Variants in OTOF observed in about 807,000 individuals in gnomAD.
The protein encoded by OTOF is fer-1-like family member 2.
Under a neutral mutation model 236.8 loss-of-function variants are expected in OTOF, and 218 were observed. The observed-to-expected ratio is 0.92, with a 90% CI of 0.82 to 1.03. OTOF has a LOEUF of 1.03. OTOF is among the 50% of genes least tolerant of loss of function. The pLI is 0.00. For synonymous variants in OTOF, 1,041 were observed against 1,072.5 expected (o/e 0.97, Z 0.57); for missense variants, 2,590 against 2,694.4 (o/e 0.96, Z 0.86).
Position 26,476,976 on chromosome 2 carries a change from C to T in OTOF, c.2591G>A (p.Arg864His), listed in dbSNP as rs774822695. ...MSNNKRVAYARVPSKDLLFSI... is the reference protein window; with the variant it reads ...MSNNKRVAYAHVPSKDLLFSI... ...GAAGAGCAGGTCCTTGGAGGGCACA[C>T]GGGCATAGGCGACACGCTTGTTGTT... The change falls in exon 22 of 47, where the codon CGT becomes CAT. Residue 864 changes from arginine (R) to histidine (H), a missense_variant. By Grantham distance (29) the Arg-to-His change is conservative. Around this residue, in one of 2 missense-constraint regions of OTOF, gnomAD observed 1,379 missense variants for 1,341.6 expected, o/e 1.03. Coordinates refer to ENST00000272371, the MANE Select transcript of OTOF (RefSeq NM_194248.3). The T allele has an allele frequency of 1.7e-5, 28 of 1,610,816 alleles. No individual in the cohort carries two copies. Among genetic ancestry groups the T allele is most frequent in the Non-Finnish European group, 2.2e-5 (26 of 1,178,982 alleles).
intron 24 of OTOF, among the ~76,000 whole-genome samples, 169 bp downstream of exon 24, chr2:26,475,745 C>T (rs552195423): frequency 5.3e-5 from 8 of 152,272 alleles, no homozygotes; most frequent in Admixed American, 3.9e-4. Flanking sequence ...CAGTGTGACC[C>T]GCGTCTGCTG....
rs1404912852 is a variant in OTOF, at chr2:26,466,049, T to C, written c.4528A>G (p.Asn1510Asp). 1 of 1,614,214 alleles carries C rather than the reference T, an allele frequency of 6.2e-7. No individual in the cohort carries two copies. The highest frequency in any genetic ancestry group is 8.5e-7 in the Non-Finnish European group (1 of 1,180,028). ...RATDLHPADINGKADPYIAIR... is the reference protein window; with the variant it reads ...RATDLHPADIDGKADPYIAIR... ...GCGATGTAGGGGTCAGCTTTGCCGTTGATGTCAGCAGGGTGCAGGTCCGTG... is the reference window on the plus strand; with the variant it reads ...GCGATGTAGGGGTCAGCTTTGCCGTCGATGTCAGCAGGGTGCAGGTCCGTG... The change falls in exon 37 of 47, where the codon AAC (asparagine) becomes GAC (aspartate). Residue 1510 changes from asparagine to aspartate, a missense_variant. Asn to Asp is a conservative substitution (Grantham distance 23). Around this residue, in one of 2 missense-constraint regions of OTOF, gnomAD observed 1,211 missense variants for 1,352.8 expected, o/e 0.90. Coordinates refer to ENST00000272371, the MANE Select transcript of OTOF (RefSeq NM_194248.3).
chr2:26,483,609 C>T lies in OTOF; in HGVS notation c.1245G>A (p.Gln415=), dbSNP rs1447863965. The T allele has an allele frequency of 2.5e-6, 4 of 1,613,270 alleles. No individual in the cohort carries two copies. Among genetic ancestry groups the T allele is most frequent in the Non-Finnish European group, 3.4e-6 (4 of 1,179,998 alleles). Residue 415 remains glutamine, a synonymous_variant, in exon 13 of 47, where the codon CAG becomes CAA. Coordinates refer to ENST00000272371, the MANE Select transcript of OTOF (RefSeq NM_194248.3). ...AAATTTTCACATAGAACCGGGCCCA[C>T]TGGCGTTCGGGGGGCACCCCCTCGG... ...LLPEGVPPER[Q]WARFYVKIYR...
chr2:26,477,061 G>GGGGGGGGC lies in OTOF; in HGVS notation c.2524-19_2524-18insGCCCCCCC. On this transcript the variant is annotated intron_variant, in intron 21 of 46. Transcript: ENST00000272371. This position sits in a 1 kb window ranked among gnomAD's most constrained non-coding sequence, Gnocchi z 4.7. ...TGCTGGGGCTGGGGGTTGGGGGGTG[G>GGGGGGGGC]CCAGGGGCAGTGGGTAAGGGGGTCT... is the stretch of plus-strand genomic sequence containing the variant. 2 of 1,357,880 alleles carry GGGGGGGGC rather than the reference G, an allele frequency of 1.5e-6. No homozygotes were observed. The highest frequency in any genetic ancestry group is 1.0e-6 in the Non-Finnish European group (1 of 969,812). 84.1% of individuals were successfully genotyped at this position (1,357,880 alleles called of 1,614,324 possible). A position where few individuals can be genotyped will look rare whatever the true frequency, so the allele number is the denominator to read the frequency against.
intron 5 of OTOF, among the ~76,000 whole-genome samples, chr2:26,511,049 G>A (rs944579972): frequency 1.3e-5 from 2 of 152,244 alleles, no homozygotes; most frequent in Non-Finnish European, 2.9e-5. Context: ...CCCCTACCAG[G>A]CTAAGATCTG....
chr2:26,530,848 A>G (rs1666930256), intron 2 of OTOF, among the ~76,000 whole-genome samples: 1 of 151,680 alleles, frequency 6.6e-6, no homozygotes, highest in African/African-American at 2.4e-5. Context: ...TCAAGCCGGC[A>G]CCTCTAGGTG....
chr2:26,464,041 G>A lies in OTOF; in HGVS notation c.5026C>T (p.Arg1676Cys), dbSNP rs139767460. 8.3e-4 allele frequency: 1,347 copies of A among 1,613,656 alleles called. 22 individuals are homozygous for A. The East Asian group carries it at 0.026, about 31-fold the overall frequency. Residue 1676 changes from arginine (R) to cysteine (C), a missense_variant, in exon 40 of 47, where the codon CGC becomes TGC. Around this residue, in one of 2 missense-constraint regions of OTOF, gnomAD observed 1,211 missense variants for 1,352.8 expected, o/e 0.90. Coordinates refer to ENST00000272371, the MANE Select transcript of OTOF (RefSeq NM_194248.3). ...TCTGGCACCAGGCGGCAGCCTGCGC[G>A]GGGGATGTCCTCCCAGTGCCTCAGG... is the stretch of plus-strand genomic sequence containing the variant. ...LALRHWEDIP[R>C]AGCRLVPEHV... is the part of the protein sequence containing the mutation.
At chr2:26,524,080 C>T (rs1003535156) in intron 3 of OTOF, among the ~76,000 whole-genome samples, 2 of 152,272 alleles carry the variant, frequency 1.3e-5, no homozygotes, top group Non-Finnish European at 2.9e-5. Context: ...AATGCCAGAA[C>T]CTCTCCCACC....
chr2:26,495,618 G>A (rs1665963532), intron 8 of OTOF, among the ~76,000 whole-genome samples: 1 of 152,024 alleles, frequency 6.6e-6, no homozygotes, highest in East Asian at 1.9e-4. Flanking sequence ...TACAGATGGG[G>A]TTTTGCCATG....
At position 26,476,962 on chromosome 2, in the gene OTOF, C is replaced by T; in HGVS notation, c.2605G>A (p.Asp869Asn). 1 of 1,611,244 alleles carries T rather than the reference C, an allele frequency of 6.2e-7. No homozygotes were observed. The highest frequency in any genetic ancestry group is 8.5e-7 in the Non-Finnish European group (1 of 1,179,306). Residue 869 changes from aspartate (D) to asparagine (N), a missense_variant, in exon 22 of 47, where the codon GAC (aspartate) becomes AAC (asparagine). Coordinates refer to ENST00000272371, the MANE Select transcript of OTOF (RefSeq NM_194248.3). The part of the protein sequence containing the change: ...RVAYARVPSK[D>N]LLFSIVEEET... The stretch of plus-strand genomic sequence containing the variant: ...TCCTCCACGATGGAGAAGAGCAGGT[C>T]CTTGGAGGGCACACGGGCATAGGCG...
At chr2:26,514,893 T>C (rs1362935823) in intron 5 of OTOF, among the ~76,000 whole-genome samples, 1 of 152,190 alleles carries the variant, frequency 6.6e-6, no homozygotes, top group African/African-American at 2.4e-5. Flanking sequence ...GCCAACCTCT[T>C]TTCTGAATGG....
At chr2:26,476,384 AG>A in intron 22 of OTOF, 67 bp from the exon 23 acceptor site, 1 of 1,474,472 alleles carries the variant, frequency 6.8e-7, no homozygotes, top group Non-Finnish European at 9.3e-7. Context: ...GGGAAGGGGC[AG>A]GGGCCGGCAG....
Position 26,465,810 on chromosome 2 carries a change from T to C in OTOF, c.4661A>G (p.Glu1554Gly), listed in dbSNP as rs995817629. The change falls in exon 38 of 47, where the codon GAA becomes GGA. Residue 1554 changes from glutamate (E) to glycine (G), a missense_variant. Physicochemically the swap from Glu to Gly is moderately conservative, Grantham distance 98. Coordinates refer to ENST00000272371, the MANE Select transcript of OTOF (RefSeq NM_194248.3). Reference protein sequence around the residue: ...SFDIEASFPMESMLTVAVYDW... With the variant: ...SFDIEASFPMGSMLTVAVYDW... ...ATACACAGCCACCGTCAGCATGGATTCCATGGGGAAGGAGGCCTCGATGTC... is the reference window on the plus strand; with the variant it reads ...ATACACAGCCACCGTCAGCATGGATCCCATGGGGAAGGAGGCCTCGATGTC... 2 of 1,614,198 alleles carry C rather than the reference T, an allele frequency of 1.2e-6. No homozygotes were observed. The highest frequency in any genetic ancestry group is 2.7e-5 in the African/African-American group (2 of 75,044).
At chr2:26,471,212 T>C (rs764509713) in intron 30 of OTOF, 62 bp from the exon 31 acceptor site, 1 of 1,584,274 alleles carries the variant, frequency 6.3e-7, no homozygotes, top group Non-Finnish European at 8.7e-7. Flanking sequence ...TGGCAGGCAG[T>C]GGCCTAGCAC....
At chr2:26,556,878 C>T (rs776288104) in intron 1 of OTOF, among the ~76,000 whole-genome samples, 7 of 152,188 alleles carry the variant, frequency 4.6e-5, no homozygotes, top group Non-Finnish European at 1.0e-4. Flanking sequence ...CTATGCTGCC[C>T]GTGGAGCTCA....
intron 8 of OTOF, among the ~76,000 whole-genome samples, chr2:26,497,411 C>A (rs1247365258): frequency 6.6e-6 from 1 of 152,178 alleles, no homozygotes; most frequent in Non-Finnish European, 1.5e-5. Context: ...TCTAATGCGA[C>A]TCCGAAGGTT....
intron 1 of OTOF, among the ~76,000 whole-genome samples, chr2:26,545,151 T>C (rs1041751587): frequency 2.6e-5 from 4 of 152,190 alleles, no homozygotes; most frequent in Admixed American, 2.0e-4. Context: ...AGTTGTTCCA[T>C]CCTCATCAAC....
At chr2:26,556,387 C>A (rs568053808) in intron 1 of OTOF, among the ~76,000 whole-genome samples, 1 of 152,112 alleles carries the variant, frequency 6.6e-6, no homozygotes, top group Non-Finnish European at 1.5e-5. Context: ...CACAGGTGAG[C>A]GGCTGAGGCA....
intron 1 of OTOF, among the ~76,000 whole-genome samples, chr2:26,554,418 C>CAGAA (rs1330210142): frequency 6.6e-6 from 1 of 151,714 alleles, no homozygotes; most frequent in East Asian, 1.9e-4. Flanking sequence ...CCCTCAAAGA[C>CAGAA]AGAAACCATG....
Sources: gnomAD v4.1 joint callset for allele counts (sites outside exome capture counted in the v4.1 genomes callset) on GRCh38, gnomAD v4.1.1 for gene constraint, gnomAD v4.1.1 regional missense constraint, Gnocchi (gnomAD v3.1) non-coding constraint, MANE v1.5 for transcripts, NCBI Gene and HGNC (gene_info 2026-07-23, HGNC 2026-07-21) for gene names.